The following TANC1 variants were observed in gnomAD, a reference collection of about 807,000 sequenced individuals.
TANC1 encodes protein TANC1.
Under a neutral mutation model 149.7 loss-of-function variants are expected in TANC1, and 77 were observed. That is an observed-to-expected ratio of 0.51 (90% CI 0.43 to 0.62). TANC1 has a LOEUF of 0.62. Ranked by LOEUF, TANC1 falls within the 20% of genes least tolerant of loss-of-function variation. TANC1 has a pLI of 0.00. For synonymous variants in TANC1, 854 were observed against 925.0 expected (o/e 0.92, Z 1.39); for missense variants, 1,985 against 2,321.8 (o/e 0.85, Z 2.98).
chr2:159,194,093 A>G (rs902370683), intron 16 of TANC1, among the ~76,000 whole-genome samples, 164 bp from the exon 17 acceptor site: 3 of 152,190 alleles, frequency 2.0e-5, no homozygotes, highest in Non-Finnish European at 4.4e-5. Flanking sequence ...ATTCCCACCA[A>G]TGAGAATGTG....
In TANC1 at chr2:159,230,811, C is replaced by T. The variant is rs1173022293; in HGVS notation, c.5385C>T (p.His1795=). The T allele has an allele frequency of 4.3e-6, 7 of 1,614,196 alleles. No individual in the cohort carries two copies. The highest frequency in any genetic ancestry group is 5.1e-6 in the Non-Finnish European group (6 of 1,180,012). The change falls in exon 27 of 27, where the codon CAC becomes CAT. Residue 1795 remains histidine, a synonymous_variant. Transcript: ENST00000263635. The surrounding 1 kb of genome is among the most constrained non-coding windows in gnomAD (Gnocchi z 4.4). The part of the protein sequence containing the change: ...CSVSTLSASV[H]NGAQVKELEE... ...TTTCTACCCTGAGTGCAAGTGTCCA[C>T]AATGGGGCACAAGTGAAGGAGCTAG... is the stretch of plus-strand genomic sequence containing the variant.
intron 4 of TANC1, among the ~76,000 whole-genome samples, chr2:159,116,986 G>A (rs899959476): frequency 3.9e-5 from 6 of 152,112 alleles, no homozygotes; most frequent in East Asian, 1.9e-4. Context: ...ATTGCCACCC[G>A]GAATAGTGGC....
At chr2:159,207,730 A>G (rs1426763538) in intron 19 of TANC1, among the ~76,000 whole-genome samples, 4 of 141,208 alleles carry the variant, frequency 2.8e-5, no homozygotes, top group Non-Finnish European at 6.1e-5. Flanking sequence ...AAAAAAAACA[A>G]CTCAGACTTA....
rs35513612 is a variant in TANC1 at position 159,010,723 on chromosome 2, C to CTT, written c.-16+9549_-16+9550dup. 4.1e-3 allele frequency among the ~76,000 whole-genome samples: 538 copies of CTT among 132,222 alleles called. 1 individual carries two copies. The highest frequency in any genetic ancestry group is 7.0e-3 in the Non-Finnish European group (438 of 62,792). The allele number at this position is 132,222 out of a possible 152,430, so 86.7% of individuals were successfully genotyped here. On this transcript the variant is annotated intron_variant, in intron 2 of 26. Transcript: ENST00000263635. ...TGTGCTTATAGAAATGAATGAAAGG[C>CTT]TTTTTTTTTTTTTTTTAATGAAAGC...
chr2:159,026,420 G>A (rs264601), intron 2 of TANC1, among the ~76,000 whole-genome samples: 31,606 of 152,082 alleles, frequency 0.21, 3,713 homozygotes, highest in South Asian at 0.45. Context: ...GGCTTTCCTC[G>A]ATGACCTCAG....
At chr2:159,110,020 C>G (rs751345109) in intron 4 of TANC1, among the ~76,000 whole-genome samples, 4 of 152,172 alleles carry the variant, frequency 2.6e-5, no homozygotes, top group African/African-American at 9.7e-5. Flanking sequence ...AAAAGAAATT[C>G]ATGGTAGTTT....
At chr2:159,062,310 T>G (rs1372662400) in intron 2 of TANC1, among the ~76,000 whole-genome samples, 7 of 152,224 alleles carry the variant, frequency 4.6e-5, no homozygotes, top group African/African-American at 1.7e-4. Context: ...TTATTTCTTA[T>G]GTTTTATCCT....
intron 2 of TANC1, among the ~76,000 whole-genome samples, chr2:159,024,147 A>G (rs2039060583): frequency 6.6e-6 from 1 of 152,178 alleles, no homozygotes; most frequent in South Asian, 2.1e-4. Context: ...TTTAAGGTCT[A>G]CAACATGATG....
At position 159,223,237 on chromosome 2, in the gene TANC1, G is replaced by T. The variant is rs1263059719; in HGVS notation, c.3679-995G>T. On this transcript the variant is annotated intron_variant, in intron 22 of 26. Coordinates refer to ENST00000263635, the MANE Select transcript of TANC1 (RefSeq NM_033394.3). ...GTGGAAGGACTAGCTGGACAGACAG[G>T]TGCTTGCAGACCTGGCAGTGGAAGC... Among the ~76,000 whole-genome samples, 4 of 152,150 alleles carry T rather than the reference G, an allele frequency of 2.6e-5. No individual in the cohort carries two copies. In the East Asian group the frequency reaches 7.7e-4, roughly 29 times the overall value.
At chr2:159,094,063 C>G (rs777374909) in intron 3 of TANC1, among the ~76,000 whole-genome samples, 1 of 152,180 alleles carries the variant, frequency 6.6e-6, no homozygotes, top group Non-Finnish European at 1.5e-5. Flanking sequence ...ACATGTATTT[C>G]TCCCTTCTTT....
chr2:159,204,121 C>G (rs565571647), intron 19 of TANC1, among the ~76,000 whole-genome samples: 2 of 152,308 alleles, frequency 1.3e-5, no homozygotes, highest in South Asian at 4.1e-4. Context: ...TGACAGGTGG[C>G]CACCAAATTG....
chr2:159,149,043 CAA>C, intron 5 of TANC1, 97 bp from the exon 6 acceptor site: 2 of 1,391,422 alleles, frequency 1.4e-6, no homozygotes, highest in Non-Finnish European at 9.7e-7. Flanking sequence ...TAGAAACACA[CAA>C]AATCACCAGA....
intron 4 of TANC1, among the ~76,000 whole-genome samples, chr2:159,115,196 GTA>G (rs1461976248): frequency 4.1e-5 from 6 of 145,850 alleles, no homozygotes; most frequent in South Asian, 2.2e-4. Context: ...GTGTGTGTGT[GTA>G]TGTGTGTCCG....
At chr2:159,219,554 C>A in intron 21 of TANC1, 138 bp from the exon 22 acceptor site, 2 of 1,284,448 alleles carry the variant, frequency 1.6e-6, no homozygotes, top group Non-Finnish European at 2.2e-6. Context: ...TTCTGCCAGC[C>A]CATCCGGCCA....
chr2:159,008,896 A>G (rs1483503630), intron 2 of TANC1, among the ~76,000 whole-genome samples: 1 of 152,172 alleles, frequency 6.6e-6, no homozygotes, highest in African/African-American at 2.4e-5. Flanking sequence ...TGGCCTTGCA[A>G]CATCAGTAAC....
In TANC1 at chr2:159,083,953, A is replaced by G. The variant is rs567389709; in HGVS notation, c.62-13684A>G. On this transcript the variant is annotated intron_variant, in intron 3 of 26. Coordinates refer to ENST00000263635, the MANE Select transcript of TANC1 (RefSeq NM_033394.3). ...TACAAGATGCATACAAATAAGATAT[A>G]GAAAAATGCAGTCATCAGCTGGGCA... 5.3e-5 allele frequency among the ~76,000 whole-genome samples: 8 copies of G among 149,806 alleles called. No individual in the cohort carries two copies. The South Asian group carries it at 1.7e-3, about 32-fold the overall frequency.
chr2:159,129,575 T>A (rs934200102), intron 4 of TANC1, among the ~76,000 whole-genome samples: 7 of 152,116 alleles, frequency 4.6e-5, no homozygotes, highest in Non-Finnish European at 8.8e-5. Flanking sequence ...TTGTTGTTTT[T>A]TTTTTCTTTT....
At chr2:159,136,596 G>C (rs1305151629) in intron 5 of TANC1, among the ~76,000 whole-genome samples, 3 of 152,158 alleles carry the variant, frequency 2.0e-5, no homozygotes, top group Non-Finnish European at 4.4e-5. Flanking sequence ...CCAGTAGATT[G>C]CTTCCAAGAT....
chr2:159,204,862 C>T (rs145200818), intron 19 of TANC1, among the ~76,000 whole-genome samples: 13 of 152,344 alleles, frequency 8.5e-5, no homozygotes, highest in East Asian at 1.9e-4. Context: ...AGATTTTCTC[C>T]GCTGTGAATT....
Sources: gnomAD v4.1 joint callset for allele counts (sites outside exome capture counted in the v4.1 genomes callset) on GRCh38, gnomAD v4.1.1 for gene constraint, Gnocchi (gnomAD v3.1) non-coding constraint, MANE v1.5 for transcripts, NCBI Gene and HGNC (gene_info 2026-07-23, HGNC 2026-07-21) for gene names.